RBFOX1: variants seen among roughly 807,000 people sequenced by gnomAD.
RBFOX1 encodes RNA binding fox-1 homolog 1.
In RBFOX1, 8 loss-of-function variants were observed where a neutral mutation model predicts 57.7. The ratio of observed to expected loss-of-function variants is 0.14; its 90% confidence interval spans 0.08 to 0.25. The LOEUF (loss-of-function observed/expected upper bound fraction) is 0.25, where lower values mean the gene tolerates loss of function less well. Among genes scored for constraint, RBFOX1 ranks in the 10% least tolerant of loss-of-function variants. The pLI is 1.00. For missense variants in RBFOX1, 611 were observed against 548.5 expected (o/e 1.11, Z -1.14); for synonymous variants, 326 against 222.4 (o/e 1.47, Z -4.15).
chr16:6,886,146 C>G (rs1224060852), intron 3 of RBFOX1, among the ~76,000 whole-genome samples: 1 of 151,106 alleles, frequency 6.6e-6, no homozygotes. Flanking sequence ...ACTGCATCCT[C>G]CGCCCCCAGG....
chr16:5,740,836 T>C (rs1567474856), intron 3 of RBFOX1, among the ~76,000 whole-genome samples: 1 of 152,120 alleles, frequency 6.6e-6, no homozygotes, highest in Non-Finnish European at 1.5e-5. Flanking sequence ...TGGCGTCTCC[T>C]TGTCTCTGAT....
intron 1 of RBFOX1, among the ~76,000 whole-genome samples, chr16:6,182,910 G>C (rs1364418075): frequency 2.0e-5 from 3 of 152,116 alleles, no homozygotes; most frequent in African/African-American, 7.2e-5. Context: ...TATCAGCTTT[G>C]TAATGCAGTA....
intron 3 of RBFOX1, among the ~76,000 whole-genome samples, chr16:5,725,697 C>G (rs1426242538): frequency 6.6e-6 from 1 of 151,872 alleles, no homozygotes; most frequent in Non-Finnish European, 1.5e-5. Context: ...ACATTCACAC[C>G]TGGCATGGGG....
intron 3 of RBFOX1, among the ~76,000 whole-genome samples, chr16:7,014,528 T>A (rs926418485): frequency 2.0e-5 from 3 of 152,010 alleles, no homozygotes; most frequent in African/African-American, 7.3e-5. Context: ...GTGATAAGCC[T>A]CCCAAAGTGC....
At chr16:6,345,924 G>A (rs1427700289) in intron 2 of RBFOX1, among the ~76,000 whole-genome samples, 2 of 152,146 alleles carry the variant, frequency 1.3e-5, no homozygotes, top group African/African-American at 2.4e-5. Context: ...GTCTGGAAAG[G>A]CAGGACAACT....
chr16:5,730,939 T>C (rs369588306), intron 3 of RBFOX1, among the ~76,000 whole-genome samples: 1 of 148,510 alleles, frequency 6.7e-6, no homozygotes, highest in Non-Finnish European at 1.5e-5. Flanking sequence ...GGTGTCACCA[T>C]CATCACTATC....
At chr16:6,886,916 G>C (rs749667352) in intron 3 of RBFOX1, among the ~76,000 whole-genome samples, 1 of 152,126 alleles carries the variant, frequency 6.6e-6, no homozygotes, top group South Asian at 2.1e-4. Context: ...ATGAGGTCAG[G>C]TGTCTGTGGA....
intron 3 of RBFOX1, among the ~76,000 whole-genome samples, chr16:5,832,527 C>T (rs992621374): frequency 6.6e-6 from 1 of 152,178 alleles, no homozygotes; most frequent in African/African-American, 2.4e-5. Flanking sequence ...GCATGAAATG[C>T]TTAGTTCACA....
At chr16:6,229,079 A>G (rs923907244) in intron 1 of RBFOX1, among the ~76,000 whole-genome samples, 1 of 152,118 alleles carries the variant, frequency 6.6e-6, no homozygotes, top group African/African-American at 2.4e-5. Context: ...TCCTTGGCCC[A>G]TCTTATTGAG....
chr16:6,977,803 G>C (rs1254629581), intron 3 of RBFOX1, among the ~76,000 whole-genome samples: 1 of 152,062 alleles, frequency 6.6e-6, no homozygotes, highest in African/African-American at 2.4e-5. Flanking sequence ...AGTCAGTGTG[G>C]ATTGCAGGCA....
chr16:5,336,748 C>T (rs971198981), intron 1 of RBFOX1, among the ~76,000 whole-genome samples: 22 of 152,154 alleles, frequency 1.4e-4, no homozygotes, highest in African/African-American at 5.1e-4. Flanking sequence ...AGGAACTGCC[C>T]CTCCAGCCCC....
chr16:6,141,983 T>A (rs1220396727), intron 1 of RBFOX1, among the ~76,000 whole-genome samples: 1 of 151,334 alleles, frequency 6.6e-6, no homozygotes, highest in Non-Finnish European at 1.5e-5. Context: ...GGTTTCAACC[T>A]GGGAGGTGGA....
intron 1 of RBFOX1, among the ~76,000 whole-genome samples, chr16:6,140,203 T>C (rs995077451): frequency 2.2e-5 from 3 of 136,284 alleles, no homozygotes; most frequent in African/African-American, 7.8e-5. Context: ...TTTTTTTTTT[T>C]CTTTTGAGAC....
intron 3 of RBFOX1, among the ~76,000 whole-genome samples, chr16:5,773,122 A>G (rs1428706159): frequency 2.0e-5 from 3 of 152,216 alleles, no homozygotes; most frequent in Non-Finnish European, 4.4e-5. Context: ...AGCAGTAGAC[A>G]GGTATGACCT....
intron 4 of RBFOX1, among the ~76,000 whole-genome samples, chr16:7,479,815 G>C (rs977502864): frequency 1.3e-5 from 2 of 152,202 alleles, no homozygotes; most frequent in African/African-American, 2.4e-5. Context: ...AACAAAGCTA[G>C]ATGTGAAGAG....
At chr16:6,812,862 G>A (rs1015385439) in intron 3 of RBFOX1, among the ~76,000 whole-genome samples, 1 of 152,124 alleles carries the variant, frequency 6.6e-6, no homozygotes, top group African/African-American at 2.4e-5. Flanking sequence ...TAGAAATGGT[G>A]GGAAGCCCCT....
chr16:6,153,033 G>GTTTTTTTTTTTTTTTTTTTTTTTTTTTT (rs59957159), intron 1 of RBFOX1, among the ~76,000 whole-genome samples: 1 of 128,136 alleles, frequency 7.8e-6, no homozygotes, highest in Non-Finnish European at 1.7e-5. Flanking sequence ...GTTATTTTCT[G>GTTTTTTTTTTTTTTTTTTTTTTTTTTTT]TTTTTTTTTT....
At chr16:5,257,715 G>A (rs2062624101) in intron 1 of RBFOX1, among the ~76,000 whole-genome samples, 1 of 152,128 alleles carries the variant, frequency 6.6e-6, no homozygotes, top group African/African-American at 2.4e-5. Flanking sequence ...CGACTGAGCT[G>A]GGAGAGTCCC....
intron 4 of RBFOX1, among the ~76,000 whole-genome samples, chr16:7,335,511 C>G (rs2096769357): frequency 6.6e-6 from 1 of 150,876 alleles, no homozygotes; most frequent in East Asian, 2.0e-4. Context: ...GCAGAGTGCT[C>G]CCTTTTCATA....
Sources: gnomAD v4.1 joint callset for allele counts (sites outside exome capture counted in the v4.1 genomes callset) on GRCh38, gnomAD v4.1.1 for gene constraint, MANE v1.5 for transcripts, NCBI Gene and HGNC (gene_info 2026-07-23, HGNC 2026-07-21) for gene names.